Variants in ZDHHC14 observed in about 807,000 individuals in gnomAD.
ZDHHC14 encodes the protein zDHHC palmitoyltransferase 14, also known as palmitoyltransferase ZDHHC14.
ZDHHC14 carries 16 observed loss-of-function variants against 47.7 expected under a neutral mutation model. The observed-to-expected ratio is 0.34, with a 90% CI of 0.23 to 0.51. ZDHHC14 has a LOEUF of 0.51. Among genes scored for constraint, ZDHHC14 ranks in the 20% least tolerant of loss-of-function variants. ZDHHC14 has a pLI of 0.97. For missense variants in ZDHHC14, 515 were observed against 662.5 expected, an observed-to-expected ratio of 0.78 and a Z score of 2.44; for synonymous variants, 293 against 278.9, an observed-to-expected ratio of 1.05 and a Z score of -0.50.
In ZDHHC14 at chr6:157,582,081, G is replaced by A. The variant is rs1055356638; in HGVS notation, c.407-10907G>A. ...TGGCTAATTTTTTGTATTTTTAGTA[G>A]ATTTGGGCTTTCTCCATGTTGGCCA... is the stretch of plus-strand genomic sequence containing the variant. On this transcript the variant is annotated intron_variant, in intron 2 of 8. Transcript: ENST00000359775. This position sits in a 1 kb window ranked among gnomAD's most constrained non-coding sequence, Gnocchi z 4.3. Among the ~76,000 whole-genome samples, 1 of 152,138 alleles carries A rather than the reference G, an allele frequency of 6.6e-6. No individual in the cohort carries two copies. The highest frequency in any genetic ancestry group is 2.4e-5 in the African/African-American group (1 of 41,430).
intron 1 of ZDHHC14, among the ~76,000 whole-genome samples, chr6:157,439,198 C>T (rs1426643172): frequency 6.6e-6 from 1 of 152,110 alleles, no homozygotes; most frequent in South Asian, 2.1e-4. Context: ...ATCTTAGGGC[C>T]TTTAAGAAAA....
chr6:157,668,250 C>G (rs1317663246), intron 8 of ZDHHC14, among the ~76,000 whole-genome samples: 1 of 152,182 alleles, frequency 6.6e-6, no homozygotes, highest in Non-Finnish European at 1.5e-5. Context: ...ACACCCATAG[C>G]TAGACTTAGA....
At chr6:157,392,501 C>A (rs1777436518) in intron 1 of ZDHHC14, among the ~76,000 whole-genome samples, 1 of 152,070 alleles carries the variant, frequency 6.6e-6, no homozygotes, top group Non-Finnish European at 1.5e-5. Flanking sequence ...GTCATGTGGC[C>A]AGCTTTCTTT....
At chr6:157,387,911 T>C (rs952337320) in intron 1 of ZDHHC14, among the ~76,000 whole-genome samples, 1 of 152,078 alleles carries the variant, frequency 6.6e-6, no homozygotes, top group Non-Finnish European at 1.5e-5. Context: ...TGTACATTAA[T>C]AAAAATTTAT....
At chr6:157,469,529 T>C (rs1443541435) in intron 1 of ZDHHC14, among the ~76,000 whole-genome samples, 1 of 152,228 alleles carries the variant, frequency 6.6e-6, no homozygotes, top group African/African-American at 2.4e-5. Flanking sequence ...CTCCAAAATC[T>C]TAGTGACTCC....
At chr6:157,495,707 T>C (rs2114732677) in intron 1 of ZDHHC14, among the ~76,000 whole-genome samples, 1 of 145,050 alleles carries the variant, frequency 6.9e-6, no homozygotes, top group Non-Finnish European at 1.5e-5. Flanking sequence ...TTTTTTTTTT[T>C]TTTTTTTTTT....
intron 1 of ZDHHC14, among the ~76,000 whole-genome samples, chr6:157,405,516 G>A (rs1777736501): frequency 6.6e-6 from 1 of 152,120 alleles, no homozygotes; most frequent in African/African-American, 2.4e-5. Flanking sequence ...ACAGGCGTGA[G>A]CCACCGTGCC....
rs369703095 is a variant in ZDHHC14 at position 157,382,274 on chromosome 6, G to C, written c.245+8G>C. The C allele has an allele frequency of 2.1e-5, 34 of 1,610,058 alleles. No homozygotes were observed. In the African/African-American group the frequency reaches 3.9e-4, roughly 18 times the overall value. ...ACTCTTCTTCGCCTTCGAGTAAGTG[G>C]TGGCGACCGCTCCCCCGACGCCGCA... is the stretch of plus-strand genomic sequence containing the variant. On this transcript the variant is annotated splice_region_variant and intron_variant, in intron 1 of 8. Coordinates refer to ENST00000359775, the MANE Select transcript of ZDHHC14 (RefSeq NM_024630.3).
chr6:157,484,505 A>G (rs1191134034), intron 1 of ZDHHC14, among the ~76,000 whole-genome samples: 3 of 148,786 alleles, frequency 2.0e-5, no homozygotes, highest in Non-Finnish European at 4.4e-5. Context: ...GAGGTATATA[A>G]CAAATCTGCA....
chr6:157,671,414 C>G (rs1430477489), intron 8 of ZDHHC14, among the ~76,000 whole-genome samples: 1 of 152,176 alleles, frequency 6.6e-6, no homozygotes, highest in Non-Finnish European at 1.5e-5. Flanking sequence ...AGCTTGAGCA[C>G]AGAGTCCCGA....
intron 3 of ZDHHC14, among the ~76,000 whole-genome samples, chr6:157,598,962 A>T (rs753571391): frequency 7.2e-5 from 11 of 152,232 alleles, no homozygotes; most frequent in African/African-American, 2.4e-4. Context: ...ATGTACAAAC[A>T]TACCTAATTG....
intron 1 of ZDHHC14, among the ~76,000 whole-genome samples, chr6:157,418,308 T>C (rs910547323): frequency 9.2e-6 from 1 of 108,404 alleles, no homozygotes; most frequent in African/African-American, 3.5e-5. Context: ...GGTCAGCGAT[T>C]TTAAAGCTAC....
chr6:157,647,489 C>T (rs1360126396), intron 7 of ZDHHC14, 121 bp downstream of exon 7: 9 of 635,734 alleles, frequency 1.4e-5, no homozygotes, highest in South Asian at 2.2e-5. Context: ...CACTTTGTGC[C>T]GCGTGGATGT....
intron 6 of ZDHHC14, 120 bp downstream of exon 6, chr6:157,645,959 T>A: frequency 1.3e-6 from 1 of 797,686 alleles, no homozygotes; most frequent in Non-Finnish European, 2.0e-6. Context: ...ATGTGAGCCC[T>A]TGGGAACAGA....
chr6:157,384,846 G>A (rs148627082), intron 1 of ZDHHC14, among the ~76,000 whole-genome samples: 5 of 152,360 alleles, frequency 3.3e-5, no homozygotes, highest in Non-Finnish European at 7.3e-5. Flanking sequence ...GGAAATGCCA[G>A]TACTGCCTGC....
chr6:157,493,475 A>G (rs911933317), intron 1 of ZDHHC14, among the ~76,000 whole-genome samples: 1 of 152,246 alleles, frequency 6.6e-6, no homozygotes. Flanking sequence ...TCCTGGCAGC[A>G]GAGTGTTTGC....
At chr6:157,402,145 C>T (rs530480375) in intron 1 of ZDHHC14, among the ~76,000 whole-genome samples, 1 of 150,116 alleles carries the variant, frequency 6.7e-6, no homozygotes, top group East Asian at 2.0e-4. Context: ...TGTGCGCCTG[C>T]TGAGGTCACA....
At chr6:157,455,370 G>T (rs1159971000) in intron 1 of ZDHHC14, among the ~76,000 whole-genome samples, 1 of 152,226 alleles carries the variant, frequency 6.6e-6, no homozygotes, top group Non-Finnish European at 1.5e-5. Context: ...ACAAAAGCAG[G>T]GGAGGAAAGC....
intron 2 of ZDHHC14, among the ~76,000 whole-genome samples, chr6:157,545,803 C>T (rs1283546866): frequency 6.6e-6 from 1 of 152,100 alleles, no homozygotes; most frequent in Non-Finnish European, 1.5e-5. Flanking sequence ...TCCTGGCTCA[C>T]CCTTTCTCTA....
Sources: allele counts gnomAD v4.1 joint callset (sites outside exome capture counted in the v4.1 genomes callset), GRCh38; gene constraint gnomAD v4.1.1; non-coding constraint Gnocchi (gnomAD v3.1); transcripts MANE v1.5; gene names NCBI Gene and HGNC (gene_info 2026-07-23, HGNC 2026-07-21).